Variants in PDE1C observed in about 807,000 individuals in gnomAD.
PDE1C encodes the protein phosphodiesterase 1C.
In PDE1C, 62 loss-of-function variants were observed where a neutral mutation model predicts 93.1. The observed-to-expected ratio is 0.67, with a 90% confidence interval of 0.54 to 0.82. The LOEUF (loss-of-function observed/expected upper bound fraction) is 0.82. Among genes scored for constraint, PDE1C ranks in the 40% least tolerant of loss-of-function variants. The pLI, the probability that PDE1C is intolerant of heterozygous loss-of-function variation, is 0.00. For missense variants in PDE1C, 742 were observed against 884.6 expected (o/e 0.84, Z 2.04); for synonymous variants, 325 against 310.1 (o/e 1.05, Z -0.50).
chr7:31,656,095 A>T, the PDE1C span: 1 of 886,350 alleles, frequency 1.1e-6, no homozygotes, highest in Non-Finnish European at 1.4e-6. Context: ...CTGTGGCAGA[A>T]GTGATCCTTA....
rs374390045 is a variant in PDE1C at position 32,068,692 on chromosome 7, A to T, written c.101+1601T>A. 9.0e-4 allele frequency among the ~76,000 whole-genome samples: 137 copies of T among 152,360 alleles called. 4 individuals are homozygous for T. The South Asian group carries it at 0.025, about 28-fold the overall frequency. On this transcript the variant is annotated intron_variant, in intron 1 of 17. Transcript: ENST00000396191. ...TTTCCACACAAGTTCCCGCCTCAGC[A>T]TTGCTGATTTGACCAAACACTTGTC...
At chr7:32,204,485 C>G (rs975796836) in intron 2 of PDE1C, among the ~76,000 whole-genome samples, 1 of 152,220 alleles carries the variant, frequency 6.6e-6, no homozygotes, top group African/African-American at 2.4e-5. Context: ...CGCTCGGGCT[C>G]CTCCAATGCC....
intron 3 of PDE1C, among the ~76,000 whole-genome samples, chr7:32,137,981 T>A (rs1800303877): frequency 6.6e-6 from 1 of 152,194 alleles, no homozygotes; most frequent in East Asian, 1.9e-4. Context: ...TACTTATGGA[T>A]TGAGTCCATT....
chr7:32,343,843 A>G (rs1424600017), intron 1 of PDE1C, among the ~76,000 whole-genome samples: 2 of 152,138 alleles, frequency 1.3e-5, no homozygotes, highest in Non-Finnish European at 2.9e-5. Flanking sequence ...CTTTCTTGGC[A>G]GCTATGTAAT....
chr7:31,981,362 A>G (rs1014660758), intron 2 of PDE1C, among the ~76,000 whole-genome samples: 2 of 152,218 alleles, frequency 1.3e-5, no homozygotes, highest in African/African-American at 4.8e-5. Flanking sequence ...GGTTTGGTAG[A>G]TAAGGTCGTA....
intron 1 of PDE1C, among the ~76,000 whole-genome samples, chr7:32,361,524 T>C (rs1344783823): frequency 1.3e-5 from 2 of 152,216 alleles, no homozygotes; most frequent in African/African-American, 2.4e-5. Context: ...TCCCACGCCC[T>C]GCGCACACTG....
At chr7:32,337,396 C>T (rs1309208715) in intron 1 of PDE1C, among the ~76,000 whole-genome samples, 1 of 152,044 alleles carries the variant, frequency 6.6e-6, no homozygotes, top group African/African-American at 2.4e-5. Flanking sequence ...GAACAGCATG[C>T]TACAAGAGAA....
rs1795112768 is a variant in PDE1C, at chr7:31,864,968, A to G, written c.724T>C (p.Tyr242His). ...GCCACTCCTGTCTTATAGAGGAGGT[A>G]ATGCACTGTCTGTGTAACATCGGCA... The part of the protein sequence containing the change: ...HAADVTQTVH[Y>H]LLYKTGVANW... The change falls in exon 7 of 18, where the codon TAC (tyrosine) becomes CAC (histidine). Residue 242 changes from tyrosine (Y) to histidine (H), a missense_variant. Around this residue, in one of 4 missense-constraint regions of PDE1C, gnomAD observed 205 missense variants for 295.3 expected, o/e 0.69. Transcript: ENST00000396191. 1 of 1,613,934 alleles carries G rather than the reference A, an allele frequency of 6.2e-7. No individual in the cohort carries two copies. The highest frequency in any genetic ancestry group is 1.7e-5 in the Admixed American group (1 of 60,000).
chr7:32,070,815 G>A, upstream of PDE1C: 1 of 990,054 alleles, frequency 1.0e-6, no homozygotes, highest in African/African-American at 1.7e-5. Context: ...GGGGAGGAGA[G>A]AAAGTGAGAA....
the PDE1C span, chr7:31,707,056 T>A: frequency 1.6e-6 from 1 of 613,360 alleles, no homozygotes; most frequent in Non-Finnish European, 2.7e-6. Flanking sequence ...ACCCAGCTCC[T>A]TCTCTGGGTT....
chr7:32,057,253 G>A (rs1420868889), intron 1 of PDE1C, among the ~76,000 whole-genome samples: 2 of 152,208 alleles, frequency 1.3e-5, no homozygotes, highest in Non-Finnish European at 2.9e-5. Context: ...GATCTCATGT[G>A]CTATGGCTAG....
chr7:32,362,785 C>A (rs1784159358), intron 1 of PDE1C, among the ~76,000 whole-genome samples: 1 of 152,204 alleles, frequency 6.6e-6, no homozygotes, highest in South Asian at 2.1e-4. Context: ...TTTGCTGATG[C>A]AGCGTCTGCT....
intron 1 of PDE1C, among the ~76,000 whole-genome samples, chr7:32,231,533 C>T (rs1807689204): frequency 6.6e-6 from 1 of 152,006 alleles, no homozygotes; most frequent in Admixed American, 6.5e-5. Context: ...AACATTTATC[C>T]ACCAAAGGAA....
At chr7:31,628,166 C>T in the PDE1C span, among the ~76,000 whole-genome samples, 1 of 152,186 alleles carries the variant, frequency 6.6e-6, no homozygotes, top group African/African-American at 2.4e-5. Context: ...AAAAAGTGCC[C>T]TGAAGGAGGG....
At chr7:31,947,454 T>TA (rs113435585) in intron 2 of PDE1C, among the ~76,000 whole-genome samples, 11,263 of 152,248 alleles carry the variant, frequency 0.074, 1,005 homozygotes, top group African/African-American at 0.22. Flanking sequence ...TTTATCTCTA[T>TA]AAAATTAATA....
chr7:32,409,831 A>G (rs2128097545), intron 1 of PDE1C, among the ~76,000 whole-genome samples: 1 of 151,824 alleles, frequency 6.6e-6, no homozygotes, highest in Non-Finnish European at 1.5e-5. Flanking sequence ...TTATATGTAT[A>G]CATACATATA....
intron 1 of PDE1C, among the ~76,000 whole-genome samples, chr7:32,250,658 C>T (rs1809309531): frequency 6.6e-6 from 1 of 152,226 alleles, no homozygotes; most frequent in African/African-American, 2.4e-5. Flanking sequence ...GCCACATCCT[C>T]TTACCACTCA....
chr7:31,918,698 T>C (rs147804303), intron 2 of PDE1C, among the ~76,000 whole-genome samples: 1 of 152,346 alleles, frequency 6.6e-6, no homozygotes, highest in Non-Finnish European at 1.5e-5. Context: ...AATTTTTTGT[T>C]GACATCTATT....
the PDE1C span, among the ~76,000 whole-genome samples, chr7:31,660,339 A>G: frequency 6.6e-6 from 1 of 152,192 alleles, no homozygotes; most frequent in Non-Finnish European, 1.5e-5. Context: ...TTTATTTATG[A>G]TCAAAGGGAA....
Sources: allele counts gnomAD v4.1 joint callset (sites outside exome capture counted in the v4.1 genomes callset), GRCh38; gene constraint gnomAD v4.1.1; regional missense constraint gnomAD v4.1.1; transcripts MANE v1.5; gene names NCBI Gene and HGNC (gene_info 2026-07-23, HGNC 2026-07-21).